Variants in FAM227B observed in about 807,000 individuals in gnomAD.
FAM227B encodes family with sequence similarity 227 member B, also known as protein FAM227B.
Under a neutral mutation model 73.8 loss-of-function variants are expected in FAM227B, and 88 were observed. The ratio of observed to expected loss-of-function variants is 1.19; its 90% CI spans 1.00 to 1.42. FAM227B has a LOEUF of 1.42. FAM227B is among the 40% of genes most tolerant of loss of function. The pLI, the probability that FAM227B is intolerant of heterozygous loss-of-function variation, is 0.00. For synonymous variants in FAM227B, 210 were observed against 190.5 expected (o/e 1.10, Z -0.84); for missense variants, 632 against 590.9 (o/e 1.07, Z -0.72).
intron 5 of FAM227B, among the ~76,000 whole-genome samples, chr15:49,579,406 T>C (rs1182433088): frequency 1.3e-5 from 2 of 152,156 alleles, no homozygotes; most frequent in Non-Finnish European, 2.9e-5. Context: ...TAAGTTTCCA[T>C]CAAAGGATAA....
At chr15:49,361,301 A>G (rs1189642517) in intron 13 of FAM227B, among the ~76,000 whole-genome samples, 1 of 152,112 alleles carries the variant, frequency 6.6e-6, no homozygotes, top group Non-Finnish European at 1.5e-5. Flanking sequence ...TTACATAGGT[A>G]AATTGATGTT....
intron 11 of FAM227B, among the ~76,000 whole-genome samples, chr15:49,403,149 A>T (rs891768300): frequency 9.9e-5 from 15 of 152,140 alleles, no homozygotes; most frequent in Admixed American, 1.3e-4. Flanking sequence ...ATGGTGGATA[A>T]GCTTTTGGAT....
chr15:49,485,914 G>T (rs1232671768), intron 11 of FAM227B: 1 of 151,994 alleles, frequency 6.6e-6, no homozygotes, highest in East Asian at 1.9e-4. Context: ...TTTCCTGTTA[G>T]ATGGCAAGAG....
chr15:49,361,753 T>C (rs568873870), intron 13 of FAM227B, among the ~76,000 whole-genome samples: 22 of 152,284 alleles, frequency 1.4e-4, no homozygotes, highest in African/African-American at 5.3e-4. Flanking sequence ...TTCCTTTGGG[T>C]ATATACTCAG....
At chr15:49,504,167 A>G (rs1345322849) in intron 11 of FAM227B, among the ~76,000 whole-genome samples, 4 of 151,770 alleles carry the variant, frequency 2.6e-5, no homozygotes, top group African/African-American at 7.3e-5. Flanking sequence ...TCAGCAAACT[A>G]TCGCAAGGAC....
intron 11 of FAM227B, among the ~76,000 whole-genome samples, chr15:49,394,514 C>A (rs188226013): frequency 1.1e-4 from 16 of 152,204 alleles, no homozygotes; most frequent in Admixed American, 1.0e-3. Flanking sequence ...GATTGTCTGA[C>A]AGAATTAAGG....
At chr15:49,387,342 C>T (rs957987920) in intron 11 of FAM227B, among the ~76,000 whole-genome samples, 19 of 151,606 alleles carry the variant, frequency 1.3e-4, no homozygotes, top group African/African-American at 3.9e-4. Flanking sequence ...GTTTAATATA[C>T]GCAAGTCAGT....
intron 9 of FAM227B, among the ~76,000 whole-genome samples, chr15:49,548,729 T>C (rs1013821139): frequency 6.6e-6 from 1 of 152,198 alleles, no homozygotes; most frequent in Non-Finnish European, 1.5e-5. Context: ...TTTGAATTTG[T>C]TCCTGGTTCA....
intron 10 of FAM227B, among the ~76,000 whole-genome samples, chr15:49,531,676 T>A (rs2060620091): frequency 6.6e-6 from 1 of 152,018 alleles, no homozygotes; most frequent in African/African-American, 2.4e-5. Flanking sequence ...CCCATCATCT[T>A]CCCTGTCTTT....
intron 11 of FAM227B, among the ~76,000 whole-genome samples, chr15:49,440,407 T>C (rs559296415): frequency 1.1e-4 from 17 of 149,714 alleles, no homozygotes; most frequent in African/African-American, 4.1e-4. Context: ...TGTTTATATA[T>C]ATAGGAAAAA....
chr15:49,575,766 C>T (rs538384350), intron 7 of FAM227B, among the ~76,000 whole-genome samples: 5 of 152,098 alleles, frequency 3.3e-5, no homozygotes, highest in Non-Finnish European at 5.9e-5. Context: ...CAATCATGGA[C>T]TTATATTCTA....
chr15:49,371,723 T>C (rs2045823548), intron 11 of FAM227B, among the ~76,000 whole-genome samples: 1 of 149,120 alleles, frequency 6.7e-6, no homozygotes, highest in Non-Finnish European at 1.5e-5. Flanking sequence ...AAAATTCACT[T>C]ATAAATAAAT....
intron 10 of FAM227B, among the ~76,000 whole-genome samples, chr15:49,532,786 T>TCA (rs2060709011): frequency 6.6e-6 from 1 of 151,682 alleles, no homozygotes; most frequent in African/African-American, 2.4e-5. Context: ...GATCATAGAG[T>TCA]CACACAGCTC....
At chr15:49,553,501 C>A (rs1419832259) in intron 9 of FAM227B, among the ~76,000 whole-genome samples, 1 of 152,204 alleles carries the variant, frequency 6.6e-6, no homozygotes, top group East Asian at 1.9e-4. Flanking sequence ...AGGCCTGTGT[C>A]CTTCCCTTCA....
chr15:49,365,907 A>G (rs2045091646), intron 13 of FAM227B: 2 of 967,918 alleles, frequency 2.1e-6, no homozygotes, highest in Non-Finnish European at 1.7e-6. Flanking sequence ...AGTTGTACAG[A>G]CTCATTGCTG....
At chr15:49,505,339 T>C (rs2058499428) in intron 11 of FAM227B, among the ~76,000 whole-genome samples, 2 of 152,148 alleles carry the variant, frequency 1.3e-5, no homozygotes, top group African/African-American at 4.8e-5. Context: ...GTTTTACAGA[T>C]TTATACATAC....
intron 11 of FAM227B, chr15:49,425,534 A>C (rs1486654114): frequency 6.6e-6 from 1 of 151,936 alleles, no homozygotes; most frequent in Non-Finnish European, 1.5e-5. Context: ...TTAATATATA[A>C]TTTCATATTA....
chr15:49,584,123 T>G (rs2075996605), intron 5 of FAM227B, among the ~76,000 whole-genome samples: 1 of 152,154 alleles, frequency 6.6e-6, no homozygotes, highest in Non-Finnish European at 1.5e-5. Flanking sequence ...AACAAAATAC[T>G]GGCAAATTGA....
At chr15:49,372,745 T>A (rs989423658) in intron 11 of FAM227B, among the ~76,000 whole-genome samples, 1 of 152,202 alleles carries the variant, frequency 6.6e-6, no homozygotes, top group Non-Finnish European at 1.5e-5. Flanking sequence ...AGGTTTGTTC[T>A]AGACTCTGGC....
Sources: gnomAD v4.1 joint callset for allele counts (sites outside exome capture counted in the v4.1 genomes callset) on GRCh38, gnomAD v4.1.1 for gene constraint, MANE v1.5 for transcripts, NCBI Gene and HGNC (gene_info 2026-07-23, HGNC 2026-07-21) for gene names.